The following NSD1 variants were observed in gnomAD, a reference collection of about 807,000 sequenced individuals.
NSD1 encodes the protein nuclear receptor binding SET domain protein 1.
Under a neutral mutation model 242.7 loss-of-function variants are expected in NSD1, and 26 were observed. The observed-to-expected ratio is 0.11, with a 90% CI of 0.08 to 0.15. The LOEUF (loss-of-function observed/expected upper bound fraction) is 0.15. Among genes scored for constraint, NSD1 ranks in the 10% least tolerant of loss-of-function variants. The pLI is 1.00. For synonymous variants in NSD1, 1,106 were observed against 1,178.1 expected (o/e 0.94, Z 1.25); for missense variants, 2,495 against 3,272.8 (o/e 0.76, Z 5.80).
chr5:177,300,018 G>A lies in NSD1; in HGVS notation c.*4559G>A, dbSNP rs1476616753. ...TACCTATATTGTTAAGAAAGGGGTC[G>A]GGGGGATCAGCCAAGGTCCATCATT... On this transcript the variant is annotated 3_prime_UTR_variant, in exon 23 of 23. Coordinates refer to ENST00000439151, the MANE Select transcript of NSD1 (RefSeq NM_022455.5). 2 of 231,490 alleles carry A rather than the reference G, an allele frequency of 8.6e-6. No individual in the cohort carries two copies. Among genetic ancestry groups the A allele is most frequent in the African/African-American group, 2.2e-5 (1 of 44,806 alleles). 14.3% of individuals were successfully genotyped at this position (231,490 alleles called of 1,614,324 possible). A position where few individuals can be genotyped will look rare whatever the true frequency, so the allele number is the denominator to read the frequency against.
At chr5:177,261,236 A>ATTTTTTTTTTTTTTTTTTTTTTTTTTTTT (rs10652091) in intron 14 of NSD1, among the ~76,000 whole-genome samples, 2 of 74,756 alleles carry the variant, frequency 2.7e-5, no homozygotes, top group African/African-American at 4.7e-5. Context: ...TGCCCCACTA[A>ATTTTTTTTTTTTTTTTTTTTTTTTTTTTT]TTTTTTTTTT....
At chr5:177,208,902 G>A (rs932628625) in intron 4 of NSD1, among the ~76,000 whole-genome samples, 1 of 151,774 alleles carries the variant, frequency 6.6e-6, no homozygotes, top group African/African-American at 2.4e-5. Context: ...GGCGATGTTG[G>A]CCAGGGTTGT....
At chr5:177,189,796 C>G (rs1017213822) in intron 2 of NSD1, among the ~76,000 whole-genome samples, 2 of 152,082 alleles carry the variant, frequency 1.3e-5, no homozygotes, top group African/African-American at 4.8e-5. Context: ...AATCAAAAAT[C>G]AAATTATATA....
intron 2 of NSD1, among the ~76,000 whole-genome samples, chr5:177,178,690 G>A (rs1473655523): frequency 6.6e-6 from 1 of 152,078 alleles, no homozygotes; most frequent in East Asian, 1.9e-4. Flanking sequence ...CTGCATCCTC[G>A]ACCTCCTCGG....
chr5:177,284,824 G>T (rs973708894), intron 20 of NSD1, among the ~76,000 whole-genome samples: 1 of 152,124 alleles, frequency 6.6e-6, no homozygotes, highest in African/African-American at 2.4e-5. Context: ...TAAACCACTG[G>T]GTGTGGTGGT....
rs536560471 is a variant in NSD1 at position 177,241,574 on chromosome 5, T to C, written c.4302+1709T>C. 4.6e-5 allele frequency among the ~76,000 whole-genome samples: 7 copies of C among 152,298 alleles called. No individual in the cohort carries two copies. In the South Asian group the frequency reaches 1.4e-3, roughly 32 times the overall value. On this transcript the variant is annotated intron_variant, in intron 8 of 22. Coordinates refer to ENST00000439151, the MANE Select transcript of NSD1 (RefSeq NM_022455.5). ...CCCTCTCTTAGATTCCCAGTATCTTTTAAGTATTAATTATACTTAATAACT... is the reference window on the plus strand; with the variant it reads ...CCCTCTCTTAGATTCCCAGTATCTTCTAAGTATTAATTATACTTAATAACT...
At chr5:177,158,616 G>A (rs1758405516) in intron 2 of NSD1, among the ~76,000 whole-genome samples, 1 of 151,934 alleles carries the variant, frequency 6.6e-6, no homozygotes, top group African/African-American at 2.4e-5. Context: ...GAGATTACAG[G>A]CATGAGCCAC....
intron 2 of NSD1, among the ~76,000 whole-genome samples, chr5:177,162,332 C>T (rs1291367439): frequency 2.0e-5 from 3 of 151,576 alleles, no homozygotes; most frequent in African/African-American, 2.4e-5. Context: ...AAAATGTCAT[C>T]GGGTCTTTCC....
At chr5:177,188,794 G>A (rs998239781) in intron 2 of NSD1, among the ~76,000 whole-genome samples, 2 of 151,852 alleles carry the variant, frequency 1.3e-5, no homozygotes, top group African/African-American at 2.4e-5. Flanking sequence ...ACGGCTCCTA[G>A]CATAATTTTT....
At position 177,210,867 on chromosome 5, in the gene NSD1, C is replaced by G. The variant is rs758949310; in HGVS notation, c.2468C>G (p.Pro823Arg). Reference protein sequence around the residue: ...KCCSSDTKGSPLASISKSGKV... With the variant: ...KCCSSDTKGSRLASISKSGKV... The stretch of plus-strand genomic sequence containing the variant: ...TGCTCTTCTGATACCAAAGGCTCTC[C>G]TTTGGCCAGCATTTCTAAAAGTGGG... The change falls in exon 5 of 23, where the codon CCT becomes CGT. Residue 823 changes from proline (P) to arginine (R), a missense_variant. Physicochemically the swap from Pro to Arg is moderately radical, Grantham distance 103 (BLOSUM62 -2). This residue lies in a region of NSD1 where 515 missense variants were observed against 467.0 expected (regional missense o/e 1.10). Coordinates refer to ENST00000439151, the MANE Select transcript of NSD1 (RefSeq NM_022455.5). 2 of 1,614,190 alleles carry G rather than the reference C, an allele frequency of 1.2e-6. No individual in the cohort carries two copies. Among genetic ancestry groups the G allele is most frequent in the Non-Finnish European group, 1.7e-6 (2 of 1,180,038 alleles).
intron 2 of NSD1, among the ~76,000 whole-genome samples, chr5:177,180,413 C>T (rs184204071): frequency 2.0e-5 from 3 of 151,598 alleles, no homozygotes; most frequent in South Asian, 2.1e-4. Context: ...GCCTACTCAC[C>T]GTTTCAATGA....
chr5:177,263,850 G>A (rs1419633279), intron 14 of NSD1, among the ~76,000 whole-genome samples: 2 of 152,000 alleles, frequency 1.3e-5, no homozygotes, highest in African/African-American at 4.8e-5. Context: ...AAATAATGGC[G>A]AATGATAAAA....
chr5:177,137,931 C>T (rs972808207), intron 2 of NSD1, among the ~76,000 whole-genome samples: 8 of 151,698 alleles, frequency 5.3e-5, no homozygotes, highest in South Asian at 2.1e-4. Context: ...AAAAATTAGC[C>T]GGGCGTGATG....
At chr5:177,265,978 A>G (rs779008816) in intron 14 of NSD1, 29 of 1,083,666 alleles carry the variant, frequency 2.7e-5, no homozygotes, top group Non-Finnish European at 4.0e-5. Flanking sequence ...GGTCCACCAC[A>G]TCCACTAGGG....
At position 177,238,135 on chromosome 5, in the gene NSD1, C is replaced by A; in HGVS notation, c.3922-102C>A. 7.5e-7 allele frequency: 1 copy of A among 1,331,468 alleles called. No homozygotes were observed. The highest frequency in any genetic ancestry group is 1.1e-6 in the Non-Finnish European group (1 of 926,638). 82.5% of individuals were successfully genotyped at this position (1,331,468 alleles called of 1,614,324 possible). ...TTCAAGGTTCATCCACTTTTTGTAG[C>A]CTTTGTCAGAATTTCATTCCTTTTA... On this transcript the variant is annotated intron_variant, in intron 6 of 22. Transcript: ENST00000439151. The surrounding 1 kb of genome is among the most constrained non-coding windows in gnomAD (Gnocchi z 4.6).
chr5:177,293,786 T>TG, intron 22 of NSD1, 46 bp from the exon 23 acceptor site: 1 of 1,604,308 alleles, frequency 6.2e-7, no homozygotes, highest in Non-Finnish European at 8.5e-7. Context: ...CCATGTGATA[T>TG]GTATCTCTTT....
chr5:177,170,780 T>C (rs1191950001), intron 2 of NSD1, among the ~76,000 whole-genome samples: 1 of 152,170 alleles, frequency 6.6e-6, no homozygotes, highest in African/African-American at 2.4e-5. Flanking sequence ...AGTTTTTCAA[T>C]ATCCCCAACA....
In NSD1 at chr5:177,294,420, A is replaced by G; in HGVS notation, c.7052A>G (p.Glu2351Gly). ...SSPSVRSQPL[E>G]RPLGTADPRL... ...CCCTCAGTCAGGTCCCAACCACTGG[A>G]AAGACCTCTGGGGACGGCTGACCCA... The change falls in exon 23 of 23, where the codon GAA becomes GGA. Residue 2351 changes from glutamate to glycine, a missense_variant. Around this residue, in one of 19 missense-constraint regions of NSD1, gnomAD observed 475 missense variants for 563.7 expected, o/e 0.84. Coordinates refer to ENST00000439151, the MANE Select transcript of NSD1 (RefSeq NM_022455.5). The G allele has an allele frequency of 6.2e-7, 1 of 1,614,166 alleles. No individual in the cohort carries two copies. The highest frequency in any genetic ancestry group is 8.5e-7 in the Non-Finnish European group (1 of 1,180,022).
chr5:177,190,004 C>G (rs1761536666), intron 2 of NSD1, among the ~76,000 whole-genome samples: 1 of 152,192 alleles, frequency 6.6e-6, no homozygotes. Context: ...GTAGCACAGG[C>G]TGGAGTGCAG....
Sources: gnomAD v4.1 joint callset for allele counts (sites outside exome capture counted in the v4.1 genomes callset) on GRCh38, gnomAD v4.1.1 for gene constraint, gnomAD v4.1.1 regional missense constraint, Gnocchi (gnomAD v3.1) non-coding constraint, MANE v1.5 for transcripts, NCBI Gene and HGNC (gene_info 2026-07-23, HGNC 2026-07-21) for gene names.